Variants in VAPA observed in about 807,000 individuals in gnomAD.
The protein encoded by VAPA is VAMP associated protein A, also known as vesicle-associated membrane protein-associated protein A.
A neutral mutation model predicts 25.6 loss-of-function variants in VAPA; 6 were observed. The observed-to-expected ratio is 0.23, with a 90% CI of 0.13 to 0.46. The LOEUF is 0.46. VAPA is among the 20% of genes least tolerant of loss of function. The pLI is 0.99. For synonymous variants in VAPA, 112 were observed against 106.2 expected, an observed-to-expected ratio of 1.05 and a Z score of -0.34; for missense variants, 244 against 302.1, an observed-to-expected ratio of 0.81 and a Z score of 1.43.
chr18:9,930,025 G>C (rs576476029), intron 1 of VAPA, among the ~76,000 whole-genome samples: 69 of 152,084 alleles, frequency 4.5e-4, no homozygotes, highest in Admixed American at 2.6e-3. Flanking sequence ...TTCAGAATTC[G>C]TACAACTCTT....
chr18:9,956,398 A>G lies in VAPA; in HGVS notation c.*2187A>G, dbSNP rs2069551267. On this transcript the variant is annotated 3_prime_UTR_variant, in exon 6 of 6. Coordinates refer to ENST00000400000, the MANE Select transcript of VAPA (RefSeq NM_194434.3). ...GCTTACTGTTGAATAGTTTGGTTAT[A>G]GTGTTTAGGCTAGAAATGCCTCCCA... The G allele has an allele frequency of 6.6e-6, 1 of 152,240 alleles. No individual in the cohort carries two copies. The highest frequency in any genetic ancestry group is 6.5e-5 in the Admixed American group (1 of 15,276). The allele number at this position is 152,240 out of a possible 1,614,324, so 9.4% of individuals were successfully genotyped here.
At chr18:9,945,025 G>A (rs2069407403) in intron 4 of VAPA, 2 of 1,614,040 alleles carry the variant, frequency 1.2e-6, no homozygotes, top group African/African-American at 2.7e-5. Context: ...ATGACCCCAG[G>A]GGACTCAGTG....
chr18:9,938,784 T>C (rs554501747), intron 4 of VAPA, among the ~76,000 whole-genome samples: 16 of 152,342 alleles, frequency 1.1e-4, no homozygotes, highest in African/African-American at 3.1e-4. Context: ...TTTTAAGATT[T>C]ATTTTGAAAA....
chr18:9,945,028 A>G, intron 4 of VAPA: 1 of 1,614,108 alleles, frequency 6.2e-7, no homozygotes, highest in Non-Finnish European at 8.5e-7. Context: ...ACCCCAGGGG[A>G]CTCAGTGTGT....
At chr18:9,939,064 C>T (rs2069339928) in intron 4 of VAPA, among the ~76,000 whole-genome samples, 1 of 151,974 alleles carries the variant, frequency 6.6e-6, no homozygotes, top group Admixed American at 6.6e-5. Context: ...TTAGTATATC[C>T]TTAATATCAA....
intron 1 of VAPA, among the ~76,000 whole-genome samples, chr18:9,921,963 A>G (rs1257666008): frequency 6.6e-6 from 1 of 152,048 alleles, no homozygotes; most frequent in Non-Finnish European, 1.5e-5. Flanking sequence ...GTGTTTATTT[A>G]TATATTTTTG....
chr18:9,914,358 C>CG lies in VAPA; in HGVS notation c.79+26dup. On this transcript the variant is annotated intron_variant, in intron 1 of 5. Transcript: ENST00000400000. ...AAGGTAGGCAGAACGGGGACACCCC[C>CG]GGGTGGGGTGGGGCGCGCGGACCGC... The CG allele has an allele frequency of 1.9e-6, 3 of 1,557,580 alleles. No homozygotes were observed. The South Asian group carries it at 3.5e-5, about 18-fold the overall frequency.
intron 1 of VAPA, chr18:9,914,682 C>G (rs1403776504): frequency 1.3e-5 from 2 of 151,278 alleles, no homozygotes; most frequent in African/African-American, 4.8e-5. Flanking sequence ...CCGCCTGGGC[C>G]CGCGTCCTTG....
At chr18:9,945,492 T>G (rs2069413736) in intron 4 of VAPA, among the ~76,000 whole-genome samples, 1 of 150,436 alleles carries the variant, frequency 6.6e-6, no homozygotes, top group South Asian at 2.1e-4. Flanking sequence ...CCTGAGTAGC[T>G]GGGAGTACAG....
intron 1 of VAPA, among the ~76,000 whole-genome samples, chr18:9,928,976 T>G (rs147189822): frequency 9.9e-5 from 15 of 152,250 alleles, no homozygotes; most frequent in African/African-American, 3.4e-4. Flanking sequence ...ATAGGTAGAT[T>G]CATGTGAATA....
At position 9,914,204 on chromosome 18, in the gene VAPA, C is replaced by G; in HGVS notation, c.-53C>G. 2 of 1,509,954 alleles carry G rather than the reference C, an allele frequency of 1.3e-6. No homozygotes were observed. Among genetic ancestry groups the G allele is most frequent in the South Asian group, 2.4e-5 (2 of 83,368 alleles). The allele number at this position is 1,509,954 out of a possible 1,614,324, so 93.5% of individuals were successfully genotyped here. ...CCGTCGCCGCCGTCGTCCCCCGCCCCCAGTCAGCAAACCGCCGCCGCGGGC... is the reference window on the plus strand; with the variant it reads ...CCGTCGCCGCCGTCGTCCCCCGCCCGCAGTCAGCAAACCGCCGCCGCGGGC... On this transcript the variant is annotated 5_prime_UTR_variant, in exon 1 of 6. Transcript: ENST00000400000.
Position 9,959,037 on chromosome 18 carries a change from C to T in VAPA, c.*4826C>T, listed in dbSNP as rs541181526. 6.6e-6 allele frequency: 1 copy of T among 152,290 alleles called. No homozygotes were observed. The highest frequency in any genetic ancestry group is 2.1e-4 in the South Asian group (1 of 4,826). The allele number at this position is 152,290 out of a possible 1,614,324, so 9.4% of individuals were successfully genotyped here. A position where few individuals can be genotyped will look rare whatever the true frequency, so the allele number is the denominator to read the frequency against. On this transcript the variant is annotated 3_prime_UTR_variant, in exon 6 of 6. Transcript: ENST00000400000. ...TTAGTTTTACGTCAGCTCATTTCATCATCATTGATAACTTGTGAAATACTT... is the reference window on the plus strand; with the variant it reads ...TTAGTTTTACGTCAGCTCATTTCATTATCATTGATAACTTGTGAAATACTT...
rs1682721368 is a variant in VAPA, at chr18:9,956,363, A to G, written c.*2152A>G. On this transcript the variant is annotated 3_prime_UTR_variant, in exon 6 of 6. Coordinates refer to ENST00000400000, the MANE Select transcript of VAPA (RefSeq NM_194434.3). ...TATATGTGAAATTTCTTATTGTAAG[A>G]CTACTACCGGCTTACTGTTGAATAG... 1 of 152,218 alleles carries G rather than the reference A, an allele frequency of 6.6e-6. No homozygotes were observed. The highest frequency in any genetic ancestry group is 1.5e-5 in the Non-Finnish European group (1 of 68,044). The allele number at this position is 152,218 out of a possible 1,614,324, so 9.4% of individuals were successfully genotyped here.
In VAPA at chr18:9,914,270, C is replaced by T. The variant is rs562603622; in HGVS notation, c.14C>T (p.Ser5Leu). MASA[S>L]GAMAKHEQIL... Reference sequence around the variant, plus strand: ...GCTGTCTCTCCGATGGCGTCCGCCTCAGGGGCCATGGCGAAGCACGAGCAG... The same window carrying T: ...GCTGTCTCTCCGATGGCGTCCGCCTTAGGGGCCATGGCGAAGCACGAGCAG... The change falls in exon 1 of 6, where the codon TCA becomes TTA. Residue 5 changes from serine (S) to leucine (L), a missense_variant. Physicochemically the swap from Ser to Leu is moderately radical, Grantham distance 145 (BLOSUM62 -2). Transcript: ENST00000400000. 148 of 1,585,702 alleles carry T rather than the reference C, an allele frequency of 9.3e-5. No individual in the cohort carries two copies. Among genetic ancestry groups the T allele is most frequent in the South Asian group, 2.1e-4 (19 of 88,768 alleles).
In VAPA at chr18:9,958,712, A is replaced by G. The variant is rs1486835923; in HGVS notation, c.*4501A>G. 6.6e-6 allele frequency: 1 copy of G among 152,220 alleles called. No homozygotes were observed. The highest frequency in any genetic ancestry group is 2.4e-5 in the African/African-American group (1 of 41,464). 9.4% of individuals were successfully genotyped at this position (152,220 alleles called of 1,614,324 possible). ...TGACTTCAGCAATACAGGGGAACTT[A>G]AAATACTTATTTTTCTTTAAACTGC... On this transcript the variant is annotated 3_prime_UTR_variant, in exon 6 of 6. Coordinates refer to ENST00000400000, the MANE Select transcript of VAPA (RefSeq NM_194434.3).
rs181387931 is a variant in VAPA, at chr18:9,956,598, G to C, written c.*2387G>C. On this transcript the variant is annotated 3_prime_UTR_variant, in exon 6 of 6. Transcript: ENST00000400000. ...GCTCTGATTGTATAGGTGAGACTCT[G>C]TTTCTGTTATTTTTAATTGCTGTAT... 6.5e-6 allele frequency: 1 copy of C among 152,678 alleles called. No individual in the cohort carries two copies. The highest frequency in any genetic ancestry group is 2.4e-5 in the African/African-American group (1 of 41,550). The allele number at this position is 152,678 out of a possible 1,614,324, so 9.5% of individuals were successfully genotyped here.
Position 9,936,976 on chromosome 18 carries a change from T to A in VAPA, c.337-10T>A. On this transcript the variant is annotated splice_polypyrimidine_tract_variant and intron_variant, in intron 3 of 5. Coordinates refer to ENST00000400000, the MANE Select transcript of VAPA (RefSeq NM_194434.3). ...TCCTATGTCTCATGTTTGGTTTTGT[T>A]TATTTTTAGTGGAAAGAGGCAAAAC... 6.2e-7 allele frequency: 1 copy of A among 1,613,026 alleles called. No individual in the cohort carries two copies. Among genetic ancestry groups the A allele is most frequent in the Non-Finnish European group, 8.5e-7 (1 of 1,179,184 alleles).
At position 9,931,283 on chromosome 18, in the gene VAPA, G is replaced by A. The variant is rs29163; in HGVS notation, c.80-527G>A. Among the ~76,000 whole-genome samples, 104 of 152,302 alleles carry A rather than the reference G, an allele frequency of 6.8e-4. 1 individual carries two copies. The highest frequency in any genetic ancestry group is 3.9e-3 in the Admixed American group (60 of 15,304). ...TGCAGAACCAAAGCTTAAAAACTTT[G>A]TATCTAGAGCATATGGCATAATAAA... On this transcript the variant is annotated intron_variant, in intron 1 of 5. Transcript: ENST00000400000.
intron 1 of VAPA, among the ~76,000 whole-genome samples, chr18:9,928,568 C>A: frequency 6.6e-6 from 1 of 152,044 alleles, no homozygotes; most frequent in East Asian, 1.9e-4. Flanking sequence ...TGGTTTAATT[C>A]AGGGGTTCTT....
Sources: gnomAD v4.1 joint callset for allele counts (sites outside exome capture counted in the v4.1 genomes callset) on GRCh38, gnomAD v4.1.1 for gene constraint, MANE v1.5 for transcripts, NCBI Gene and HGNC (gene_info 2026-07-23, HGNC 2026-07-21) for gene names.